Variants in SHROOM4 observed in about 807,000 individuals in gnomAD.
SHROOM4 encodes the protein protein Shroom4.
A neutral mutation model predicts 80.3 loss-of-function variants in SHROOM4; 17 were observed. The ratio of observed to expected loss-of-function variants is 0.21; its 90% confidence interval spans 0.14 to 0.32. The LOEUF (loss-of-function observed/expected upper bound fraction) is 0.32. Ranked by LOEUF, SHROOM4 falls within the 10% of genes least tolerant of loss-of-function variation. The pLI is 1.00. For missense variants in SHROOM4, 993 were observed against 1,140.3 expected (o/e 0.87, Z 1.86); for synonymous variants, 400 against 437.5 (o/e 0.91, Z 1.07).
chrX:50,600,151 T>A (rs1557247441), intron 7 of SHROOM4, among the ~76,000 whole-genome samples: 2 of 112,130 alleles, frequency 1.8e-5, no homozygotes, highest in African/African-American at 6.5e-5. Flanking sequence ...TGAAACCACA[T>A]AAGTAAAAGA....
In SHROOM4 at chrX:50,635,566, G is replaced by C. The variant is rs150710221; in HGVS notation, c.507C>G (p.Thr169=). ...CAATAGGCAACAGATGGCTCTCATA[G>C]GTGGCTTGGCCTGGTTGCTCCAGGC... ...MESLEQPGQA[T]YESHLLPIDQ... Residue 169 remains threonine (T), a synonymous_variant, in exon 4 of 9, where the codon ACC becomes ACG. Coordinates refer to ENST00000376020, the MANE Select transcript of SHROOM4 (RefSeq NM_020717.5). 21 of 1,208,196 alleles carry C rather than the reference G, an allele frequency of 1.7e-5. No homozygotes were observed. The African/African-American group carries it at 3.5e-4, about 20-fold the overall frequency.
chrX:50,660,577 TTC>T (rs1932471948), intron 2 of SHROOM4, among the ~76,000 whole-genome samples: 1 of 46,232 alleles, frequency 2.2e-5, no homozygotes, highest in Non-Finnish European at 3.7e-5. Flanking sequence ...CCTCCCTCCC[TTC>T]CTCCCTCCCT....
intron 2 of SHROOM4, among the ~76,000 whole-genome samples, chrX:50,685,784 T>C (rs1014809239): frequency 8.0e-5 from 9 of 112,093 alleles, no homozygotes; most frequent in East Asian, 2.8e-4. Context: ...GCAGTACATT[T>C]TCCTTTGATT....
intron 1 of SHROOM4, among the ~76,000 whole-genome samples, chrX:50,737,862 T>A (rs5915306): frequency 9.1e-6 from 1 of 110,042 alleles, no homozygotes; most frequent in Non-Finnish European, 1.9e-5. Flanking sequence ...AAAGCCTTAC[T>A]GAAACACAAC....
chrX:50,758,749 T>G, intron 1 of SHROOM4, among the ~76,000 whole-genome samples: 1 of 111,861 alleles, frequency 8.9e-6, no homozygotes, highest in Non-Finnish European at 1.9e-5. Context: ...TATTAACTCT[T>G]CTTTTAATGT....
intron 1 of SHROOM4, among the ~76,000 whole-genome samples, chrX:50,736,716 T>C (rs1934501471): frequency 8.9e-6 from 1 of 112,400 alleles, no homozygotes; most frequent in Non-Finnish European, 1.9e-5. Context: ...TTCATTTGCA[T>C]GTCTCTATAG....
intron 2 of SHROOM4, among the ~76,000 whole-genome samples, chrX:50,660,245 C>T (rs1256351981): frequency 5.4e-5 from 6 of 111,487 alleles, no homozygotes; most frequent in African/African-American, 2.0e-4. Flanking sequence ...CTACAAGTCA[C>T]CTGGGGATCT....
chrX:50,791,577 CTTTTTTTTTTTTTT>C (rs782127144), intron 1 of SHROOM4, among the ~76,000 whole-genome samples: 1 of 57,991 alleles, frequency 1.7e-5, no homozygotes, highest in Non-Finnish European at 2.9e-5. Context: ...CCATGCCTGA[CTTTTTTTTTTTTTT>C]TTTTTTTTTT....
intron 1 of SHROOM4, among the ~76,000 whole-genome samples, chrX:50,790,489 AC>A (rs1374799345): frequency 9.0e-6 from 1 of 111,463 alleles, no homozygotes; most frequent in Non-Finnish European, 1.9e-5. Context: ...TAAGGACACT[AC>A]AAAAAAAGAA....
At chrX:50,612,673 T>C (rs5915285) in intron 5 of SHROOM4, among the ~76,000 whole-genome samples, 55,201 of 110,333 alleles carry the variant, frequency 0.5, 11,734 homozygotes, top group East Asian at 0.76. Flanking sequence ...AGAAATATGA[T>C]ACACCATGAT....
At chrX:50,649,118 G>A (rs1190713663) in intron 2 of SHROOM4, among the ~76,000 whole-genome samples, 5 of 112,342 alleles carry the variant, frequency 4.5e-5, no homozygotes, top group Non-Finnish European at 3.8e-5. Context: ...CATAAGCAGA[G>A]AGAACAGATG....
intron 2 of SHROOM4, among the ~76,000 whole-genome samples, chrX:50,657,903 G>T (rs2147360244): frequency 8.9e-6 from 1 of 112,397 alleles, no homozygotes; most frequent in Non-Finnish European, 1.9e-5. Flanking sequence ...CAAGGTGATG[G>T]TATTAAGAGA....
chrX:50,686,256 C>T (rs1933070516), intron 2 of SHROOM4, among the ~76,000 whole-genome samples: 2 of 110,423 alleles, frequency 1.8e-5, no homozygotes, highest in East Asian at 2.9e-4. Context: ...AGGATGGTCG[C>T]GATCTCCTGA....
At chrX:50,628,809 T>C (rs1362403987) in intron 4 of SHROOM4, among the ~76,000 whole-genome samples, 1 of 112,272 alleles carries the variant, frequency 8.9e-6, no homozygotes, top group Admixed American at 9.4e-5. Flanking sequence ...TCCTAGCACA[T>C]TGCTTGGCAC....
intron 5 of SHROOM4, among the ~76,000 whole-genome samples, chrX:50,622,681 T>TTG (rs1343549594): frequency 1.8e-5 from 2 of 111,668 alleles, no homozygotes; most frequent in African/African-American, 6.5e-5. Flanking sequence ...ATGTTAAAAT[T>TTG]TGTGTGTGTG....
At chrX:50,752,555 T>C (rs1934946075) in intron 1 of SHROOM4, among the ~76,000 whole-genome samples, 1 of 112,058 alleles carries the variant, frequency 8.9e-6, no homozygotes, top group Non-Finnish European at 1.9e-5. Context: ...ACTTACCTTC[T>C]ACAAGGACCC....
intron 1 of SHROOM4, among the ~76,000 whole-genome samples, chrX:50,699,419 C>A (rs1933460329): frequency 8.9e-6 from 1 of 112,152 alleles, no homozygotes; most frequent in Admixed American, 9.5e-5. Flanking sequence ...GCCTTTTCAG[C>A]TCTGACATTC....
intron 1 of SHROOM4, among the ~76,000 whole-genome samples, chrX:50,804,085 G>A (rs1429444197): frequency 8.9e-6 from 1 of 111,963 alleles, no homozygotes; most frequent in Non-Finnish European, 1.9e-5. Flanking sequence ...TTTCTTAAGA[G>A]AATTCCTGTT....
At chrX:50,747,360 C>T (rs181995425) in intron 1 of SHROOM4, among the ~76,000 whole-genome samples, 141 of 111,741 alleles carry the variant, frequency 1.3e-3, no homozygotes, top group Non-Finnish European at 1.9e-3. Flanking sequence ...CATAAATGCC[C>T]CTCTTCAAAA....
Sources: gnomAD v4.1 joint callset for allele counts (sites outside exome capture counted in the v4.1 genomes callset) on GRCh38, gnomAD v4.1.1 for gene constraint, MANE v1.5 for transcripts, NCBI Gene and HGNC (gene_info 2026-07-23, HGNC 2026-07-21) for gene names.